Variants in FGF13 observed in about 807,000 individuals in gnomAD.
The protein encoded by FGF13 is fibroblast growth factor homologous factor 2.
In FGF13, 2 loss-of-function variants were observed where a neutral mutation model predicts 19.5. The ratio of observed to expected loss-of-function variants is 0.10; its 90% confidence interval spans 0.04 to 0.32. The LOEUF is 0.32. FGF13 is among the 10% of genes least tolerant of loss of function. FGF13 has a pLI of 1.00. For synonymous variants in FGF13, 72 were observed against 76.9 expected (o/e 0.94, Z 0.33); for missense variants, 113 against 192.7 (o/e 0.59, Z 2.45).
rs778657918 is a variant in FGF13 at position 139,124,162 on chromosome X, G to A, written c.-113+79254C>T. ...ACCCCCATGTGTCCTTGCATGAAAT[G>A]TAGTGCCCTCGTCCCTGGGATGTGA... On this transcript the variant is annotated intron_variant, in intron 1 of 2. Coordinates refer to the FGF13 transcript ENST00000421460. 1.5e-4 allele frequency among the ~76,000 whole-genome samples: 17 copies of A among 112,361 alleles called. No individual in the cohort carries two copies. In the East Asian group the frequency reaches 4.8e-3, roughly 32 times the overall value.
chrX:138,729,316 G>A (rs766591419), intron 1 of FGF13, among the ~76,000 whole-genome samples: 3 of 110,935 alleles, frequency 2.7e-5, no homozygotes, highest in South Asian at 3.8e-4. Context: ...TACATATGGC[G>A]ATGGAAAGTA....
intron 3 of FGF13, among the ~76,000 whole-genome samples, chrX:138,776,752 G>C (rs2090590717): frequency 8.9e-6 from 1 of 111,735 alleles, no homozygotes; most frequent in Admixed American, 9.5e-5. Flanking sequence ...TCTGTGTTCT[G>C]AGTTCTTTTC....
intron 1 of FGF13, among the ~76,000 whole-genome samples, chrX:139,071,785 A>G (rs1402775316): frequency 9.1e-6 from 1 of 109,946 alleles, no homozygotes; most frequent in South Asian, 4.0e-4. Context: ...AGGGAGGCCG[A>G]GGCTGGCAGA....
intron 3 of FGF13, among the ~76,000 whole-genome samples, chrX:138,690,221 C>T (rs2089825236): frequency 9.0e-6 from 1 of 111,479 alleles, no homozygotes; most frequent in South Asian, 3.8e-4. Flanking sequence ...TTCCTCATCA[C>T]TCATGAAAGT....
intron 2 of FGF13, among the ~76,000 whole-genome samples, chrX:138,706,086 T>A (rs956768891): frequency 8.9e-6 from 1 of 112,499 alleles, no homozygotes; most frequent in Non-Finnish European, 1.9e-5. Flanking sequence ...GCCATGCTTC[T>A]TCATCAGTTG....
chrX:139,068,178 G>A (rs1200357226), intron 1 of FGF13, among the ~76,000 whole-genome samples: 2 of 91,416 alleles, frequency 2.2e-5, no homozygotes, highest in African/African-American at 9.7e-5. Flanking sequence ...TGTAAGGAAG[G>A]GATCCAGTTT....
chrX:138,796,137 G>T (rs754556123), intron 3 of FGF13, among the ~76,000 whole-genome samples: 1 of 109,881 alleles, frequency 9.1e-6, no homozygotes, highest in African/African-American at 3.3e-5. Context: ...ATGTGCCATG[G>T]TGGTTTGCTG....
intron 3 of FGF13, among the ~76,000 whole-genome samples, chrX:138,764,701 G>T (rs757601221): frequency 8.9e-6 from 1 of 112,285 alleles, no homozygotes; most frequent in African/African-American, 3.2e-5. Context: ...TGGAACAGAG[G>T]CTGCAAACCC....
rs759325322 is a variant in FGF13, at chrX:139,178,006, C to T, written c.-113+25410G>A. On this transcript the variant is annotated intron_variant, in intron 1 of 2. Coordinates refer to the FGF13 transcript ENST00000421460. Reference sequence around the variant, plus strand: ...TTGTGCTTCCCAGGTGAGGTGACGTCCCACCCTGCTTCAGCTCGCCCTGCA... The same window carrying T: ...TTGTGCTTCCCAGGTGAGGTGACGTTCCACCCTGCTTCAGCTCGCCCTGCA... Among the ~76,000 whole-genome samples the T allele has an allele frequency of 4.9e-4, 55 of 112,152 alleles. 1 individual carries two copies. The highest frequency in any genetic ancestry group is 2.4e-4 in the Non-Finnish European group (13 of 53,181).
At chrX:138,884,535 G>T (rs978285123) in intron 1 of FGF13, among the ~76,000 whole-genome samples, 3 of 112,259 alleles carry the variant, frequency 2.7e-5, no homozygotes, top group Non-Finnish European at 5.6e-5. Context: ...TTGTTACTTG[G>T]TATTATTGAG....
At chrX:139,121,317 A>C (rs1269444412) in intron 1 of FGF13, among the ~76,000 whole-genome samples, 1 of 111,755 alleles carries the variant, frequency 8.9e-6, no homozygotes, top group East Asian at 2.8e-4. Context: ...CATGCATCTT[A>C]ATTTTGGAGA....
intron 3 of FGF13, among the ~76,000 whole-genome samples, chrX:138,760,921 C>A (rs1431354676): frequency 1.8e-5 from 2 of 111,818 alleles, no homozygotes; most frequent in African/African-American, 6.5e-5. Context: ...AAAAAACAAA[C>A]CTGGAACAAT....
At chrX:138,929,510 A>G (rs999863646) in intron 1 of FGF13, among the ~76,000 whole-genome samples, 2 of 110,889 alleles carry the variant, frequency 1.8e-5, no homozygotes, top group South Asian at 7.7e-4. Flanking sequence ...AAATTTGCAC[A>G]TAAGTTAGCC....
At chrX:138,897,537 C>T (rs1007150787) in intron 1 of FGF13, among the ~76,000 whole-genome samples, 1 of 111,745 alleles carries the variant, frequency 8.9e-6, no homozygotes, top group Non-Finnish European at 1.9e-5. Context: ...AGAAGAAAAA[C>T]CTACCAGTGA....
At chrX:138,847,701 T>C (rs1200625935) in intron 3 of FGF13, among the ~76,000 whole-genome samples, 1 of 112,276 alleles carries the variant, frequency 8.9e-6, no homozygotes, top group Non-Finnish European at 1.9e-5. Flanking sequence ...ATCCACGTAG[T>C]TTAAAATGCT....
intron 1 of FGF13, among the ~76,000 whole-genome samples, chrX:138,922,620 A>G (rs919480354): frequency 5.4e-5 from 6 of 112,103 alleles, no homozygotes; most frequent in Non-Finnish European, 1.1e-4. Context: ...TCCCACTTCT[A>G]TCAAGAACAC....
intron 1 of FGF13, among the ~76,000 whole-genome samples, chrX:138,989,549 A>G (rs951116542): frequency 6.3e-5 from 7 of 111,890 alleles, no homozygotes; most frequent in Admixed American, 1.9e-4. Flanking sequence ...TCATCTGAAA[A>G]ATAACACTCA....
chrX:139,188,989 A>C (rs2084302477), intron 1 of FGF13, among the ~76,000 whole-genome samples: 1 of 110,600 alleles, frequency 9.0e-6, no homozygotes, highest in African/African-American at 3.3e-5. Context: ...ATAAACAGGA[A>C]TGGAAATAAA....
chrX:139,100,781 G>A (rs1054926300), intron 1 of FGF13, among the ~76,000 whole-genome samples: 2 of 111,177 alleles, frequency 1.8e-5, no homozygotes, highest in Non-Finnish European at 3.8e-5. Context: ...CCAGGGCCTC[G>A]GTTCACGGAT....
Sources: allele counts gnomAD v4.1 joint callset (sites outside exome capture counted in the v4.1 genomes callset), GRCh38; gene constraint gnomAD v4.1.1; transcripts MANE v1.5; gene names NCBI Gene and HGNC (gene_info 2026-07-23, HGNC 2026-07-21).